Variants in COL19A1 observed in about 807,000 individuals in gnomAD.
The protein encoded by COL19A1 is collagen type XIX alpha 1 chain.
Under a neutral mutation model 190.2 loss-of-function variants are expected in COL19A1, and 159 were observed. The observed-to-expected ratio is 0.84, with a 90% CI of 0.73 to 0.95. The LOEUF (loss-of-function observed/expected upper bound fraction) is 0.95, where lower values mean the gene tolerates loss of function less well. COL19A1 is among the 40% of genes least tolerant of loss of function. COL19A1 has a pLI of 0.00. For synonymous variants in COL19A1, 509 were observed against 458.9 expected (o/e 1.11, Z -1.39); for missense variants, 1,418 against 1,431.9 (o/e 0.99, Z 0.16).
chr6:70,199,736 G>A lies in COL19A1; in HGVS notation c.3223G>A (p.Gly1075Ser), dbSNP rs747621421. ...GCCACCAGGAGACCCTGGACCCCAA[G>A]GTAAGTCTTCAAGTGTAATATTGGC... ...PGPPGDPGPQ[G>S]YRGQKGERGE... The change falls in exon 49 of 51, where the codon GGC becomes AGC. Residue 1075 changes from glycine (G) to serine (S), a missense_variant and splice_region_variant. Gly to Ser is a moderately conservative substitution (Grantham distance 56). Transcript: ENST00000620364. 2 of 1,604,252 alleles carry A rather than the reference G, an allele frequency of 1.2e-6. No individual in the cohort carries two copies. Among genetic ancestry groups the A allele is most frequent in the Non-Finnish European group, 1.7e-6 (2 of 1,175,442 alleles).
At chr6:69,907,195 T>C (rs1364734626) in intron 4 of COL19A1, among the ~76,000 whole-genome samples, 1 of 149,276 alleles carries the variant, frequency 6.7e-6, no homozygotes, top group African/African-American at 2.5e-5. Context: ...AGTGGCACCA[T>C]CTCGGCTCAC....
intron 4 of COL19A1, among the ~76,000 whole-genome samples, chr6:69,921,481 T>TATATATTCATATATTC (rs747073634): frequency 6.9e-5 from 6 of 86,410 alleles, no homozygotes; most frequent in Admixed American, 1.4e-4. Flanking sequence ...CATATATTCA[T>TATATATTCATATATTC]ATATATTCAT....
intron 1 of COL19A1, among the ~76,000 whole-genome samples, chr6:69,870,418 G>C (rs777374988): frequency 2.6e-5 from 4 of 152,252 alleles, no homozygotes; most frequent in Admixed American, 1.3e-4. Flanking sequence ...GATTCTCACA[G>C]ACTTCACAGA....
intron 11 of COL19A1, among the ~76,000 whole-genome samples, chr6:69,978,420 C>T (rs1389836808): frequency 2.0e-5 from 3 of 151,872 alleles, no homozygotes; most frequent in Non-Finnish European, 2.9e-5. Context: ...GAAAAGTAGA[C>T]ATTTTGTAAG....
At chr6:70,162,995 A>G (rs768528911) in intron 35 of COL19A1, among the ~76,000 whole-genome samples, 2 of 152,184 alleles carry the variant, frequency 1.3e-5, no homozygotes, top group Non-Finnish European at 2.9e-5. Context: ...AGTATTTAAA[A>G]TGTTGATCCC....
At chr6:70,004,901 C>T (rs1004579290) in intron 11 of COL19A1, among the ~76,000 whole-genome samples, 1 of 150,970 alleles carries the variant, frequency 6.6e-6, no homozygotes, top group South Asian at 2.1e-4. Context: ...GGCTCGATCT[C>T]GGCTCACTGT....
intron 14 of COL19A1, among the ~76,000 whole-genome samples, chr6:70,052,081 A>G (rs556573771): frequency 1.3e-5 from 2 of 152,074 alleles, no homozygotes; most frequent in Non-Finnish European, 2.9e-5. Flanking sequence ...CAGGAACATC[A>G]ACAAAGACAA....
At chr6:70,041,441 T>C (rs1162105992) in intron 14 of COL19A1, among the ~76,000 whole-genome samples, 1 of 152,168 alleles carries the variant, frequency 6.6e-6, no homozygotes, top group East Asian at 1.9e-4. Context: ...GCACATCTTG[T>C]TAGATTTTAA....
At position 70,102,194 on chromosome 6, in the gene COL19A1, C is replaced by G. The variant is rs1562174394; in HGVS notation, c.1250C>G (p.Pro417Arg). The G allele has an allele frequency of 6.2e-7, 1 of 1,612,756 alleles. No homozygotes were observed. The highest frequency in any genetic ancestry group is 8.5e-7 in the Non-Finnish European group (1 of 1,178,898). ...QRGRRGKTGPPGKPGPPGPPG... is the reference protein window; with the variant it reads ...QRGRRGKTGPRGKPGPPGPPG... ...GGAAGACGAGGGAAAACAGGACCTC[C>G]CGGAAAACCAGGACCCCCAGGACCA... Residue 417 changes from proline (P) to arginine (R), a missense_variant, in exon 16 of 51, where the codon CCC becomes CGC. Coordinates refer to ENST00000620364, the MANE Select transcript of COL19A1 (RefSeq NM_001858.6).
rs546502432 is a variant in COL19A1, at chr6:69,898,872, TAA to T, written c.92-75_92-74del. 282 of 856,200 alleles carry T rather than the reference TAA, an allele frequency of 3.3e-4. No homozygotes were observed. The South Asian group carries it at 4.0e-3, about 12-fold the overall frequency. The allele number at this position is 856,200 out of a possible 1,614,324, so 53.0% of individuals were successfully genotyped here. On this transcript the variant is annotated intron_variant, in intron 2 of 50. Transcript: ENST00000620364. Reference sequence around the variant, plus strand: ...GGTTTAATTTATTTCCATTTTATCTTAAGTTTCTGATTGTACTGTGTAATTAA... The same window carrying T: ...GGTTTAATTTATTTCCATTTTATCTTGTTTCTGATTGTACTGTGTAATTAA...
chr6:70,161,983 C>G (rs1429531380), intron 35 of COL19A1, 30 bp downstream of exon 35: 38 of 1,568,282 alleles, frequency 2.4e-5, no homozygotes, highest in Non-Finnish European at 3.2e-5. Flanking sequence ...ATTGCACTCA[C>G]AGCTTATATC....
At position 70,156,232 on chromosome 6, in the gene COL19A1, G is replaced by C; in HGVS notation, c.2184+1G>C. On this transcript the variant is annotated splice_donor_variant, in intron 32 of 50. Coordinates refer to ENST00000620364, the MANE Select transcript of COL19A1 (RefSeq NM_001858.6). LOFTEE classifies it high-confidence loss of function. ...AAAGTATGATTCCATGGCCCGGAAG[G>C]TGAGAAGCCTGGCTGAATGTTTACG... is the stretch of plus-strand genomic sequence containing the variant. 1 of 1,613,302 alleles carries C rather than the reference G, an allele frequency of 6.2e-7. No individual in the cohort carries two copies. Among genetic ancestry groups the C allele is most frequent in the Middle Eastern group, 1.7e-4 (1 of 6,046 alleles).
chr6:70,203,496 G>A (rs1246750885), intron 49 of COL19A1, among the ~76,000 whole-genome samples: 1 of 152,174 alleles, frequency 6.6e-6, no homozygotes, highest in Non-Finnish European at 1.5e-5. Context: ...GAAGGGCACT[G>A]CTATCAATTG....
chr6:70,062,701 T>A (rs1481834923), intron 14 of COL19A1, among the ~76,000 whole-genome samples: 2 of 151,884 alleles, frequency 1.3e-5, no homozygotes, highest in East Asian at 3.9e-4. Flanking sequence ...GGATAAAGAG[T>A]CAAGACCCAT....
At chr6:69,898,881 G>C in intron 2 of COL19A1, 67 bp from the exon 3 acceptor site, 2 of 908,210 alleles carry the variant, frequency 2.2e-6, no homozygotes, top group South Asian at 3.0e-5. Flanking sequence ...TTAAGTTTCT[G>C]ATTGTACTGT....
intron 11 of COL19A1, among the ~76,000 whole-genome samples, chr6:69,975,970 C>T (rs1174934576): frequency 6.6e-6 from 1 of 152,204 alleles, no homozygotes; most frequent in African/African-American, 2.4e-5. Context: ...ACTCATAACA[C>T]ATGGTTTTTG....
intron 15 of COL19A1, among the ~76,000 whole-genome samples, chr6:70,091,756 G>C (rs537424863): frequency 7.0e-6 from 1 of 143,382 alleles, no homozygotes; most frequent in Non-Finnish European, 1.5e-5. Context: ...AGAATCTGGC[G>C]ACTGACCAAC....
In COL19A1 at chr6:70,042,382, T is replaced by A. The variant is rs533893000; in HGVS notation, c.1170+6443T>A. ...ATGTATATAAAAGTTATGTTTATAT[T>A]ATACCATGTCCTATAAAATGTGCAA... On this transcript the variant is annotated intron_variant, in intron 14 of 50. Coordinates refer to ENST00000620364, the MANE Select transcript of COL19A1 (RefSeq NM_001858.6). Among the ~76,000 whole-genome samples, 479 of 152,346 alleles carry A rather than the reference T, an allele frequency of 3.1e-3. 5 individuals carry two copies. Among genetic ancestry groups the A allele is most frequent in the African/African-American group, 0.011 (458 of 41,578 alleles).
At chr6:70,024,212 T>A (rs1261912495) in intron 12 of COL19A1, among the ~76,000 whole-genome samples, 1 of 152,164 alleles carries the variant, frequency 6.6e-6, no homozygotes, top group Non-Finnish European at 1.5e-5. Flanking sequence ...CTCAGGATGG[T>A]TATCCTCCCA....
Sources: allele counts gnomAD v4.1 joint callset (sites outside exome capture counted in the v4.1 genomes callset), GRCh38; gene constraint gnomAD v4.1.1; transcripts MANE v1.5; gene names NCBI Gene and HGNC (gene_info 2026-07-23, HGNC 2026-07-21).